The following MEF2C variants were observed in gnomAD, a reference collection of about 807,000 sequenced individuals.
The protein encoded by MEF2C is myocyte-specific enhancer factor 2C.
Under a neutral mutation model 50.5 loss-of-function variants are expected in MEF2C, and 6 were observed. The observed-to-expected ratio is 0.12, with a 90% CI of 0.07 to 0.23. The LOEUF (loss-of-function observed/expected upper bound fraction) is 0.23. Ranked by LOEUF, MEF2C falls within the 10% of genes least tolerant of loss-of-function variation. The probability of loss-of-function intolerance (pLI) is 1.00; values close to 1 mark genes in which losing one functional copy is unlikely to be tolerated. For missense variants in MEF2C, 276 were observed against 605.0 expected (o/e 0.46, Z 5.70); for synonymous variants, 183 against 228.0 (o/e 0.80, Z 1.78).
rs5869442 is a variant in MEF2C at position 88,782,464 on chromosome 5, CAA to C, written c.259-21138_259-21137del. Among the ~76,000 whole-genome samples, 823 of 141,976 alleles carry C rather than the reference CAA, an allele frequency of 5.8e-3. 2 individuals carry two copies. The highest frequency in any genetic ancestry group is 0.017 in the African/African-American group (666 of 38,414). The allele number at this position is 141,976 out of a possible 152,430, so 93.1% of individuals were successfully genotyped here. ...CTGGGCAATGGGCATGAAATCATCT[CAA>C]AAAAAAAAAAAATAAAAACAAGCAA... On this transcript the variant is annotated intron_variant, in intron 3 of 10. Transcript: ENST00000504921.
chr5:88,838,661 A>G, intron 1 of MEF2C: 1 of 985,290 alleles, frequency 1.0e-6, no homozygotes, highest in Non-Finnish European at 1.2e-6. Context: ...GTAGGTTTCT[A>G]AAACACACCT....
rs115010141 is a variant in MEF2C, at chr5:88,842,142, T to C, written c.-142-18212A>G. ...CATTTGTGCAATCCTCTATGCTACA[T>C]AGTATATTTTATAAGAAATATCTTG... On this transcript the variant is annotated intron_variant, in intron 1 of 10. Transcript: ENST00000504921. 5.8e-4 allele frequency among the ~76,000 whole-genome samples: 89 copies of C among 152,278 alleles called. 1 individual carries two copies. The highest frequency in any genetic ancestry group is 2.0e-3 in the African/African-American group (85 of 41,568).
chr5:88,895,883 G>A (rs1045278624), intron 1 of MEF2C, among the ~76,000 whole-genome samples: 2 of 152,050 alleles, frequency 1.3e-5, no homozygotes, highest in African/African-American at 4.8e-5. Flanking sequence ...TCCATGACAC[G>A]GTATCATTGT....
chr5:88,801,961 T>C (rs984703167), intron 3 of MEF2C, among the ~76,000 whole-genome samples: 17 of 152,216 alleles, frequency 1.1e-4, no homozygotes, highest in African/African-American at 4.1e-4. Flanking sequence ...ATCTCTGTTA[T>C]TACTAAAATG....
At chr5:88,869,290 T>C (rs867804795) in intron 1 of MEF2C, among the ~76,000 whole-genome samples, 6 of 63,962 alleles carry the variant, frequency 9.4e-5, no homozygotes, top group African/African-American at 2.9e-4. Context: ...TATATATATA[T>C]ATATACACAT....
At chr5:88,893,315 T>G (rs1481299611) in intron 1 of MEF2C, among the ~76,000 whole-genome samples, 1 of 123,570 alleles carries the variant, frequency 8.1e-6, no homozygotes. Flanking sequence ...TTTTTCTTTC[T>G]TTTCTTTTTT....
chr5:88,831,446 T>C (rs1450076914), intron 1 of MEF2C, among the ~76,000 whole-genome samples: 2 of 151,588 alleles, frequency 1.3e-5, no homozygotes, highest in Non-Finnish European at 2.9e-5. Flanking sequence ...ATTATGTCCT[T>C]GAAAATAATT....
chr5:88,730,161 TA>T (rs766069567), intron 8 of MEF2C, 49 bp downstream of exon 8: 20 of 1,555,850 alleles, frequency 1.3e-5, no homozygotes, highest in Non-Finnish European at 1.7e-5. Context: ...CACCTCTACC[TA>T]AAAGTAGCTT....
At chr5:88,744,176 T>C in intron 6 of MEF2C, 2 of 971,534 alleles carry the variant, frequency 2.1e-6, no homozygotes, top group Non-Finnish European at 2.4e-6. Context: ...GCTCTGCTAA[T>C]GGTTATTTCC....
At chr5:88,861,742 T>C (rs866915467) in intron 1 of MEF2C, among the ~76,000 whole-genome samples, 7 of 152,358 alleles carry the variant, frequency 4.6e-5, no homozygotes, top group South Asian at 2.1e-4. Context: ...TTTTCAGTTG[T>C]ATTTAAAAAT....
chr5:88,854,409 T>C (rs1424675607), intron 1 of MEF2C, among the ~76,000 whole-genome samples: 1 of 152,138 alleles, frequency 6.6e-6, no homozygotes, highest in African/African-American at 2.4e-5. Flanking sequence ...TTTATCAAAC[T>C]TGGAAAGATA....
At position 88,722,643 on chromosome 5, in the gene MEF2C, T is replaced by C; in HGVS notation, c.1383A>G (p.Ser461=). The C allele has an allele frequency of 6.2e-7, 1 of 1,613,568 alleles. No individual in the cohort carries two copies. Among genetic ancestry groups the C allele is most frequent in the Non-Finnish European group, 8.5e-7 (1 of 1,179,828 alleles). Residue 461 remains serine, a synonymous_variant, in exon 11 of 11, where the codon TCA becomes TCG. Coordinates refer to ENST00000504921, the MANE Select transcript of MEF2C (RefSeq NM_002397.5). ...RPSPDERESP[S]VKRMRLSEGW... is the part of the protein sequence containing the mutation. ...CTTCAGAAAGTCGCATGCGCTTGAC[T>C]GAGGGACTTTCCCTTTCGTCCGGCG...
intron 1 of MEF2C, among the ~76,000 whole-genome samples, chr5:88,896,705 A>G (rs1032387321): frequency 6.6e-6 from 1 of 152,226 alleles, no homozygotes; most frequent in Non-Finnish European, 1.5e-5. Context: ...ATTCTAAGTA[A>G]AAGATTTTGA....
intron 2 of MEF2C, among the ~76,000 whole-genome samples, chr5:88,815,535 T>C (rs984664416): frequency 6.6e-6 from 1 of 152,150 alleles, no homozygotes; most frequent in African/African-American, 2.4e-5. Flanking sequence ...TGGTCCAACA[T>C]ATTTCAAAAG....
At chr5:88,784,786 GCTCA>G (rs1041907079) in intron 3 of MEF2C, among the ~76,000 whole-genome samples, 51 of 152,244 alleles carry the variant, frequency 3.3e-4, no homozygotes, top group African/African-American at 9.6e-4. Context: ...GCTCTAAGTG[GCTCA>G]CTATCTAGGT....
intron 3 of MEF2C, among the ~76,000 whole-genome samples, chr5:88,773,550 C>T (rs1783381599): frequency 6.6e-6 from 1 of 152,184 alleles, no homozygotes; most frequent in Non-Finnish European, 1.5e-5. Context: ...TTATAAGATT[C>T]TTGCAGACAG....
At chr5:88,776,369 T>C (rs1784756512) in intron 3 of MEF2C, among the ~76,000 whole-genome samples, 1 of 152,174 alleles carries the variant, frequency 6.6e-6, no homozygotes, top group Admixed American at 6.5e-5. Flanking sequence ...ATTTATTCTC[T>C]TAGTTATTTT....
chr5:88,748,317 A>C (rs150362787), intron 6 of MEF2C: 1 of 421,938 alleles, frequency 2.4e-6, no homozygotes. Context: ...CTACTATTTT[A>C]AATGTATAGC....
intron 1 of MEF2C, among the ~76,000 whole-genome samples, chr5:88,835,333 TTTGA>T (rs1219803012): frequency 6.6e-6 from 1 of 152,156 alleles, no homozygotes; most frequent in African/African-American, 2.4e-5. Flanking sequence ...TCAGCAGAGC[TTTGA>T]TTAAGATGTC....
Sources: allele counts gnomAD v4.1 joint callset (sites outside exome capture counted in the v4.1 genomes callset), GRCh38; gene constraint gnomAD v4.1.1; transcripts MANE v1.5; gene names NCBI Gene and HGNC (gene_info 2026-07-23, HGNC 2026-07-21).